The following EEFSEC variants were observed in gnomAD, a reference collection of about 807,000 sequenced individuals.
EEFSEC encodes selenocysteine-specific elongation factor.
A neutral mutation model predicts 42.1 loss-of-function variants in EEFSEC; 43 were observed. The observed-to-expected ratio is 1.02, with a 90% confidence interval of 0.80 to 1.32. The LOEUF (loss-of-function observed/expected upper bound fraction) is 1.32, where lower values mean the gene tolerates loss of function less well. EEFSEC is among the 40% of genes most tolerant of loss of function. The pLI is 0.00. For synonymous variants in EEFSEC, 354 were observed against 339.1 expected (o/e 1.04, Z -0.48); for missense variants, 745 against 803.6 (o/e 0.93, Z 0.88).
chr3:128,180,421 A>G (rs1225126821), intron 1 of EEFSEC, among the ~76,000 whole-genome samples: 1 of 152,208 alleles, frequency 6.6e-6, no homozygotes, highest in Non-Finnish European at 1.5e-5. Context: ...CCTGGCAGGC[A>G]GCATTCAGAG....
At chr3:128,192,274 T>C (rs916221597) in intron 1 of EEFSEC, among the ~76,000 whole-genome samples, 1 of 152,160 alleles carries the variant, frequency 6.6e-6, no homozygotes, top group Non-Finnish European at 1.5e-5. Flanking sequence ...CAGGCTGCCA[T>C]GTGAACCTGA....
At chr3:128,347,953 T>TA (rs2067332583) in intron 5 of EEFSEC, among the ~76,000 whole-genome samples, 1 of 152,226 alleles carries the variant, frequency 6.6e-6, no homozygotes, top group South Asian at 2.1e-4. Context: ...ACTCCTTGAA[T>TA]AGAGTATACA....
At chr3:128,423,377 G>A in the EEFSEC span, among the ~76,000 whole-genome samples, 146 of 152,286 alleles carry the variant, frequency 9.6e-4, 1 homozygote, top group African/African-American at 3.4e-3. Flanking sequence ...ACTATGGGAG[G>A]CTGAGGTGAA....
chr3:128,276,137 T>C (rs2066465609), intron 4 of EEFSEC, among the ~76,000 whole-genome samples: 1 of 152,320 alleles, frequency 6.6e-6, no homozygotes, highest in Middle Eastern at 3.4e-3. Flanking sequence ...ATCAGCCTCC[T>C]GCACAGGGTG....
intron 1 of EEFSEC, among the ~76,000 whole-genome samples, chr3:128,239,373 G>C (rs2066046566): frequency 6.6e-6 from 1 of 152,176 alleles, no homozygotes; most frequent in Non-Finnish European, 1.5e-5. Context: ...AGTGAGTCTG[G>C]GGCATGTGGC....
intron 1 of EEFSEC, among the ~76,000 whole-genome samples, chr3:128,206,530 A>G (rs1442204194): frequency 6.6e-6 from 1 of 152,084 alleles, no homozygotes; most frequent in African/African-American, 2.4e-5. Flanking sequence ...AACTGGACCT[A>G]CCTGAAGGAA....
chr3:128,406,324 C>G (rs1232721177), intron 6 of EEFSEC, among the ~76,000 whole-genome samples: 3 of 152,116 alleles, frequency 2.0e-5, no homozygotes, highest in African/African-American at 4.8e-5. Flanking sequence ...CTCATAGAAG[C>G]AGAGGGTAGA....
At chr3:128,229,438 C>A (rs544814616) in intron 1 of EEFSEC, among the ~76,000 whole-genome samples, 170 of 152,296 alleles carry the variant, frequency 1.1e-3, no homozygotes, top group African/African-American at 3.9e-3. Flanking sequence ...CATCCACCTT[C>A]CCCACCCCCA....
At chr3:128,379,117 G>A (rs868007168) in intron 6 of EEFSEC, among the ~76,000 whole-genome samples, 7 of 152,156 alleles carry the variant, frequency 4.6e-5, no homozygotes, top group Non-Finnish European at 7.3e-5. Flanking sequence ...CTGTAGGGAC[G>A]GCAGCTCTGA....
At chr3:128,179,433 C>T (rs2065382769) in intron 1 of EEFSEC, among the ~76,000 whole-genome samples, 1 of 152,196 alleles carries the variant, frequency 6.6e-6, no homozygotes, top group Non-Finnish European at 1.5e-5. Flanking sequence ...GTATTTCTTG[C>T]TAATCAGATA....
chr3:128,403,689 C>A (rs2068074844), intron 6 of EEFSEC, among the ~76,000 whole-genome samples: 1 of 129,330 alleles, frequency 7.7e-6, no homozygotes, highest in Non-Finnish European at 1.6e-5. Context: ...CTCAGCGCCT[C>A]TCGCATACCC....
the EEFSEC span, among the ~76,000 whole-genome samples, chr3:128,424,450 T>C: frequency 6.6e-6 from 1 of 152,182 alleles, no homozygotes; most frequent in African/African-American, 2.4e-5. Context: ...GGTGTGATCA[T>C]GGCTCACTGC....
chr3:128,177,083 G>A (rs964707069), intron 1 of EEFSEC, among the ~76,000 whole-genome samples: 20 of 151,748 alleles, frequency 1.3e-4, no homozygotes, highest in Admixed American at 6.6e-4. Context: ...TGCAACCTCC[G>A]CTTCCCAGGT....
At chr3:128,218,962 G>A (rs1385196560) in intron 1 of EEFSEC, among the ~76,000 whole-genome samples, 2 of 152,176 alleles carry the variant, frequency 1.3e-5, no homozygotes, top group African/African-American at 4.8e-5. Flanking sequence ...ACTGTGCTCT[G>A]TACATAATGT....
At chr3:128,254,520 A>T (rs559359103) in intron 2 of EEFSEC, among the ~76,000 whole-genome samples, 16 of 152,142 alleles carry the variant, frequency 1.1e-4, no homozygotes, top group Non-Finnish European at 1.9e-4. Context: ...AATCGCATAA[A>T]CCAGCTGTGG....
At chr3:128,363,433 G>A (rs933149963) in intron 6 of EEFSEC, among the ~76,000 whole-genome samples, 1 of 152,244 alleles carries the variant, frequency 6.6e-6, no homozygotes, top group African/African-American at 2.4e-5. Context: ...TATAGGCAGG[G>A]CTGGGGGTGA....
At chr3:128,404,156 A>G (rs959843336) in intron 6 of EEFSEC, among the ~76,000 whole-genome samples, 11 of 152,208 alleles carry the variant, frequency 7.2e-5, no homozygotes, top group Admixed American at 6.5e-4. Context: ...TAAGAAAGGA[A>G]AAAAAAGGCC....
rs1576499427 is a variant in EEFSEC, at chr3:128,153,482, C to T, written c.-26C>T. Reference sequence around the variant, plus strand: ...CGAGGGAGGTGAGGGGCGGGCCGGGCGGGTGTCCGAGGCGGCGGCGGCGGC... The same window carrying T: ...CGAGGGAGGTGAGGGGCGGGCCGGGTGGGTGTCCGAGGCGGCGGCGGCGGC... On this transcript the variant is annotated 5_prime_UTR_variant, in exon 1 of 7. Transcript: ENST00000254730. 6.8e-7 allele frequency: 1 copy of T among 1,467,928 alleles called. No individual in the cohort carries two copies. Among genetic ancestry groups the T allele is most frequent in the South Asian group, 1.4e-5 (1 of 73,288 alleles). 90.9% of individuals were successfully genotyped at this position (1,467,928 alleles called of 1,614,324 possible). A position where few individuals can be genotyped will look rare whatever the true frequency, so the allele number is the denominator to read the frequency against.
rs922265841 is a variant in EEFSEC, at chr3:128,153,819, C to T, written c.312C>T (p.Ile104=). The T allele has an allele frequency of 1.5e-5, 22 of 1,504,808 alleles. No individual in the cohort carries two copies. The highest frequency in any genetic ancestry group is 8.2e-5 in the East Asian group (3 of 36,580). The allele number at this position is 1,504,808 out of a possible 1,614,324, so 93.2% of individuals were successfully genotyped here. Residue 104 remains isoleucine (I), a synonymous_variant, in exon 1 of 7, where the codon ATC becomes ATT. Transcript: ENST00000254730. ...ACGCCTCCCTCATCCGGACCATCATCGGCGGTGAGCGCGGGCCGGGGCGGG... is the reference window on the plus strand; with the variant it reads ...ACGCCTCCCTCATCCGGACCATCATTGGCGGTGAGCGCGGGCCGGGGCGGG... The part of the protein sequence containing the change: ...PGHASLIRTI[I]GGAQIIDLMM...
Sources: allele counts gnomAD v4.1 joint callset (sites outside exome capture counted in the v4.1 genomes callset), GRCh38; gene constraint gnomAD v4.1.1; transcripts MANE v1.5; gene names NCBI Gene and HGNC (gene_info 2026-07-23, HGNC 2026-07-21).